Variants in HMG20A observed in about 807,000 individuals in gnomAD.
HMG20A encodes high mobility group protein 20A.
Under a neutral mutation model 43.9 loss-of-function variants are expected in HMG20A, and 17 were observed. The observed-to-expected ratio is 0.39, with a 90% confidence interval of 0.27 to 0.58. HMG20A has a LOEUF of 0.58. Ranked by LOEUF, HMG20A falls within the 20% of genes least tolerant of loss-of-function variation. The probability of loss-of-function intolerance (pLI) is 0.59; values close to 1 mark genes in which losing one functional copy is unlikely to be tolerated. For missense variants in HMG20A, 341 were observed against 438.2 expected (o/e 0.78, Z 1.98); for synonymous variants, 132 against 147.5 (o/e 0.89, Z 0.76).
At chr15:77,421,820 A>T (rs74025202) in intron 1 of HMG20A, among the ~76,000 whole-genome samples, 1 of 152,186 alleles carries the variant, frequency 6.6e-6, no homozygotes, top group Non-Finnish European at 1.5e-5. Context: ...AAAAATTCTT[A>T]TGTGTAGCTT....
At chr15:77,433,730 A>C (rs1651014812) in intron 1 of HMG20A, among the ~76,000 whole-genome samples, 1 of 152,254 alleles carries the variant, frequency 6.6e-6, no homozygotes, top group Admixed American at 6.5e-5. Context: ...CTTTACACAG[A>C]AAACTATAAA....
chr15:77,456,691 C>A lies in HMG20A; in HGVS notation c.-4-1713C>A, dbSNP rs2142322111. On this transcript the variant is annotated intron_variant, in intron 1 of 9. Coordinates refer to ENST00000336216, the MANE Select transcript of HMG20A (RefSeq NM_001304504.2). Reference sequence around the variant, plus strand: ...TGAGTTCCCTAAGGTATATACCTGGCCATTTGAATGTTTGCTCACTATGGT... The same window carrying A: ...TGAGTTCCCTAAGGTATATACCTGGACATTTGAATGTTTGCTCACTATGGT... 2.0e-5 allele frequency among the ~76,000 whole-genome samples: 3 copies of A among 150,556 alleles called. No individual in the cohort carries two copies. The South Asian group carries it at 6.3e-4, about 32-fold the overall frequency.
chr15:77,478,593 G>A, intron 8 of HMG20A, 83 bp downstream of exon 8: 2 of 1,043,448 alleles, frequency 1.9e-6, no homozygotes, highest in Non-Finnish European at 2.9e-6. Flanking sequence ...TAGTACTGGT[G>A]TGGAGAGATT....
At chr15:77,508,481 A>T in the HMG20A span, among the ~76,000 whole-genome samples, 1 of 152,232 alleles carries the variant, frequency 6.6e-6, no homozygotes, top group Non-Finnish European at 1.5e-5. Flanking sequence ...CATTCAGACA[A>T]GGAAGCTGAA....
intron 1 of HMG20A, among the ~76,000 whole-genome samples, chr15:77,441,814 T>A (rs187910874): frequency 6.6e-6 from 1 of 152,200 alleles, no homozygotes; most frequent in African/African-American, 2.4e-5. Context: ...AATATTCTAA[T>A]GTTACTAAAC....
At chr15:77,445,725 G>A (rs567433806) in intron 1 of HMG20A, among the ~76,000 whole-genome samples, 1 of 152,264 alleles carries the variant, frequency 6.6e-6, no homozygotes, top group East Asian at 1.9e-4. Context: ...GCGATACTGC[G>A]ACAGTCGATC....
At chr15:77,424,209 T>C (rs1264130613) in intron 1 of HMG20A, among the ~76,000 whole-genome samples, 1 of 152,172 alleles carries the variant, frequency 6.6e-6, no homozygotes, top group Non-Finnish European at 1.5e-5. Context: ...GATTTGAATG[T>C]TTCAGCCTAA....
chr15:77,501,481 G>A, the HMG20A span, among the ~76,000 whole-genome samples: 1 of 152,150 alleles, frequency 6.6e-6, no homozygotes. Context: ...TTGCCTCTCA[G>A]GCTCTCTTGG....
the HMG20A span, among the ~76,000 whole-genome samples, chr15:77,499,629 T>C: frequency 6.6e-6 from 1 of 152,144 alleles, no homozygotes; most frequent in Non-Finnish European, 1.5e-5. Context: ...CTTTCAGCTC[T>C]CCTGGGGCTC....
chr15:77,445,790 G>T (rs1317076051), intron 1 of HMG20A, among the ~76,000 whole-genome samples: 4 of 152,170 alleles, frequency 2.6e-5, no homozygotes, highest in African/African-American at 9.7e-5. Flanking sequence ...ATACAGCATG[G>T]ATATGCTGGA....
chr15:77,490,869 T>C, the HMG20A span, among the ~76,000 whole-genome samples: 1 of 152,240 alleles, frequency 6.6e-6, no homozygotes, highest in Admixed American at 6.5e-5. Context: ...AAAAAGTTCC[T>C]TTCAGTTCCT....
In HMG20A at chr15:77,440,183, A is replaced by G. The variant is rs138685503; in HGVS notation, c.-4-18221A>G. On this transcript the variant is annotated intron_variant, in intron 1 of 9. Coordinates refer to ENST00000336216, the MANE Select transcript of HMG20A (RefSeq NM_001304504.2). ...TTCTGATGAACAGACATTCTTAACT[A>G]TAGTGAACTCCAATTTGTCACTTTT... Among the ~76,000 whole-genome samples, 719 of 152,244 alleles carry G rather than the reference A, an allele frequency of 4.7e-3. 5 individuals are homozygous for G. The highest frequency in any genetic ancestry group is 0.016 in the African/African-American group (675 of 41,546).
intron 2 of HMG20A, among the ~76,000 whole-genome samples, chr15:77,462,258 C>T (rs2072711466): frequency 6.6e-6 from 1 of 152,116 alleles, no homozygotes. Flanking sequence ...CTTGATTAGC[C>T]ACTACCCTTC....
At chr15:77,480,127 C>T (rs962870267) in intron 9 of HMG20A, among the ~76,000 whole-genome samples, 1 of 141,532 alleles carries the variant, frequency 7.1e-6, no homozygotes, top group East Asian at 1.9e-4. Context: ...CCCGTATCTA[C>T]AAAAAATACA....
chr15:77,443,027 CT>C (rs998172099), intron 1 of HMG20A, among the ~76,000 whole-genome samples: 3,309 of 118,686 alleles, frequency 0.028, 35 homozygotes, highest in African/African-American at 0.071. Context: ...CTACTTTGAA[CT>C]TTTTTTTTTT....
chr15:77,499,661 T>C, the HMG20A span, among the ~76,000 whole-genome samples: 1 of 152,126 alleles, frequency 6.6e-6, no homozygotes. Flanking sequence ...CATTGTTTTG[T>C]TTTTCCTCTT....
chr15:77,510,265 C>T, the HMG20A span, among the ~76,000 whole-genome samples: 1 of 152,280 alleles, frequency 6.6e-6, no homozygotes, highest in South Asian at 2.1e-4. Context: ...GGGAGGTAGG[C>T]TGGGTACAGG....
chr15:77,450,024 T>G (rs1271167623), intron 1 of HMG20A, among the ~76,000 whole-genome samples: 1 of 152,240 alleles, frequency 6.6e-6, no homozygotes, highest in Non-Finnish European at 1.5e-5. Context: ...GTCAGATAGG[T>G]GGATGGATTC....
chr15:77,501,653 T>C, the HMG20A span, among the ~76,000 whole-genome samples: 1 of 152,258 alleles, frequency 6.6e-6, no homozygotes, highest in Admixed American at 6.5e-5. Flanking sequence ...GTGACAGCTA[T>C]TTGACATCTC....
Sources: gnomAD v4.1 joint callset for allele counts (sites outside exome capture counted in the v4.1 genomes callset) on GRCh38, gnomAD v4.1.1 for gene constraint, MANE v1.5 for transcripts, NCBI Gene and HGNC (gene_info 2026-07-23, HGNC 2026-07-21) for gene names.